MYOF: variants seen among roughly 807,000 people sequenced by gnomAD.
The protein encoded by MYOF is fer-1-like 3, myoferlin.
In MYOF, 244 loss-of-function variants were observed where a neutral mutation model predicts 284.2. The observed-to-expected ratio is 0.86, with a 90% CI of 0.77 to 0.95. MYOF has a LOEUF of 0.95. Among genes scored for constraint, MYOF ranks in the 40% least tolerant of loss-of-function variants. The probability of loss-of-function intolerance (pLI) is 0.00; values close to 1 mark genes in which losing one functional copy is unlikely to be tolerated. For missense variants in MYOF, 2,496 were observed against 2,560.6 expected, an observed-to-expected ratio of 0.97 and a Z score of 0.54; for synonymous variants, 904 against 919.7, an observed-to-expected ratio of 0.98 and a Z score of 0.31.
At chr10:93,478,678 A>T (rs4917797) in intron 1 of MYOF, among the ~76,000 whole-genome samples, 1 of 17,918 alleles carries the variant, frequency 5.6e-5, no homozygotes, top group African/African-American at 1.3e-4. Flanking sequence ...AAAAAAAATT[A>T]AAAATTAGCT....
rs778957607 is a variant in MYOF, at chr10:93,397,474, CA to C, written c.1222-19del. Reference sequence around the variant, plus strand: ...GTACAAACCTGTAAAATCACCAAAGCAAAAGTGTAGGTTTTCAAGTTTCTAA... The same window carrying C: ...GTACAAACCTGTAAAATCACCAAAGCAAAGTGTAGGTTTTCAAGTTTCTAA... On this transcript the variant is annotated intron_variant, in intron 13 of 53. Coordinates refer to ENST00000359263, the MANE Select transcript of MYOF (RefSeq NM_013451.4). The C allele has an allele frequency of 4.4e-6, 7 of 1,588,180 alleles. No individual in the cohort carries two copies. The highest frequency in any genetic ancestry group is 2.2e-5 in the East Asian group (1 of 44,614).
At chr10:93,426,048 G>A (rs1489712040) in intron 5 of MYOF, 23 bp downstream of exon 5, 3 of 1,549,030 alleles carry the variant, frequency 1.9e-6, no homozygotes, top group Non-Finnish European at 2.6e-6. Context: ...GGGGTGGCTG[G>A]GCCTTCAGAA....
chr10:93,468,090 A>G (rs1589614871), intron 1 of MYOF, among the ~76,000 whole-genome samples: 1 of 152,200 alleles, frequency 6.6e-6, no homozygotes, highest in Non-Finnish European at 1.5e-5. Context: ...TATTATTATT[A>G]TGATCCTTAT....
rs1348049031 is a variant in MYOF at position 93,404,229 on chromosome 10, C to G, written c.730-10G>C. On this transcript the variant is annotated splice_polypyrimidine_tract_variant and intron_variant, in intron 7 of 53. Coordinates refer to ENST00000359263, the MANE Select transcript of MYOF (RefSeq NM_013451.4). ...CATTGTAGAAAAACAACTGCCAAAA[C>G]AATAGAGCAGATGTTTAAATGTTAA... is the stretch of plus-strand genomic sequence containing the variant. 6.2e-7 allele frequency: 1 copy of G among 1,613,606 alleles called. No homozygotes were observed. The highest frequency in any genetic ancestry group is 1.1e-5 in the South Asian group (1 of 91,008).
intron 48 of MYOF, among the ~76,000 whole-genome samples, chr10:93,321,157 A>G (rs186515705): frequency 2.6e-5 from 4 of 152,264 alleles, no homozygotes; most frequent in African/African-American, 9.6e-5. Flanking sequence ...AGGTTCAGAG[A>G]GAATATATTA....
intron 1 of MYOF, among the ~76,000 whole-genome samples, chr10:93,464,055 C>T (rs916732322): frequency 7.9e-5 from 12 of 152,132 alleles, no homozygotes; most frequent in African/African-American, 2.9e-4. Flanking sequence ...ATGTGATAAA[C>T]ATTTACACTC....
chr10:93,335,972 G>A lies in MYOF; in HGVS notation c.4512C>T (p.Tyr1504=). Residue 1504 remains tyrosine (Y), a synonymous_variant, in exon 41 of 54, where the codon TAC becomes TAT. Coordinates refer to ENST00000359263, the MANE Select transcript of MYOF (RefSeq NM_013451.4). ...CTTCATTTTCATCCGACTTGCCTCG[G>A]TACAACTTGAACGTATCTGAGAAGT... The part of the protein sequence containing the change: ...LTDFSDTFKL[Y]RGKSDENEDP... The A allele has an allele frequency of 6.2e-7, 1 of 1,614,152 alleles. No homozygotes were observed. Among genetic ancestry groups the A allele is most frequent in the Non-Finnish European group, 8.5e-7 (1 of 1,180,034 alleles).
chr10:93,431,746 CT>C (rs35400002), intron 3 of MYOF, among the ~76,000 whole-genome samples: 169 of 131,764 alleles, frequency 1.3e-3, no homozygotes, highest in Admixed American at 1.6e-3. Context: ...TCTTTCTTTT[CT>C]TTTTTTTTTT....
chr10:93,456,798 G>A (rs1373510365), intron 2 of MYOF, 84 bp downstream of exon 2: 5 of 992,304 alleles, frequency 5.0e-6, no homozygotes, highest in Admixed American at 4.3e-5. Context: ...CCTTCCGAAG[G>A]GAAGAGGTAA....
At chr10:93,480,353 C>T (rs1201072646) in intron 1 of MYOF, among the ~76,000 whole-genome samples, 1 of 151,936 alleles carries the variant, frequency 6.6e-6, no homozygotes, top group Non-Finnish European at 1.5e-5. Context: ...GAATTATAAC[C>T]AGCCTGGGCA....
chr10:93,333,521 G>A (rs529352682), intron 42 of MYOF, among the ~76,000 whole-genome samples: 36 of 152,062 alleles, frequency 2.4e-4, no homozygotes, highest in African/African-American at 6.8e-4. Flanking sequence ...GCAGGGGGCG[G>A]GGGGGAGTCC....
intron 50 of MYOF, among the ~76,000 whole-genome samples, chr10:93,314,125 A>G (rs1842511188): frequency 6.6e-6 from 1 of 152,132 alleles, no homozygotes; most frequent in African/African-American, 2.4e-5. Context: ...GTCTCTCTCT[A>G]TAACCCAGGC....
At chr10:93,338,846 C>T (rs1843735951) in intron 39 of MYOF, among the ~76,000 whole-genome samples, 1 of 151,842 alleles carries the variant, frequency 6.6e-6, no homozygotes, top group African/African-American at 2.4e-5. Flanking sequence ...GAAGGCCTCC[C>T]ACTCAGATTT....
intron 41 of MYOF, 21 bp from the exon 42 acceptor site, chr10:93,333,934 G>T: frequency 6.2e-7 from 1 of 1,610,424 alleles, no homozygotes; most frequent in Non-Finnish European, 8.5e-7. Flanking sequence ...GAGACAGAAG[G>T]ACTCACAGGG....
In MYOF at chr10:93,380,031, A is replaced by G. The variant is rs1196114178; in HGVS notation, c.1877-44T>C. 1.9e-6 allele frequency: 3 copies of G among 1,591,582 alleles called. No homozygotes were observed. In the South Asian group the frequency reaches 3.3e-5, roughly 18 times the overall value. ...GGTCAATGAACACTGAACACTTAAAATAGACAGCATGTTTATTAAAGAGAT... is the reference window on the plus strand; with the variant it reads ...GGTCAATGAACACTGAACACTTAAAGTAGACAGCATGTTTATTAAAGAGAT... On this transcript the variant is annotated intron_variant, in intron 20 of 53. Coordinates refer to ENST00000359263, the MANE Select transcript of MYOF (RefSeq NM_013451.4).
At chr10:93,402,475 T>G (rs2134092399) in intron 10 of MYOF, 128 bp from the exon 11 acceptor site, 1 of 723,822 alleles carries the variant, frequency 1.4e-6, no homozygotes. Flanking sequence ...ATTCCCCAGA[T>G]GAGTGTCCAC....
intron 1 of MYOF, among the ~76,000 whole-genome samples, chr10:93,476,560 GA>G (rs1043018400): frequency 2.6e-4 from 39 of 148,242 alleles, no homozygotes; most frequent in East Asian, 5.9e-4. Context: ...GTCCCCCACT[GA>G]AAAAAAAAAT....
chr10:93,409,372 C>G (rs1480521671), intron 6 of MYOF, among the ~76,000 whole-genome samples: 1 of 151,534 alleles, frequency 6.6e-6, no homozygotes, highest in Non-Finnish European at 1.5e-5. Flanking sequence ...CTCTGGAGAC[C>G]ATCAGCTGGC....
intron 50 of MYOF, among the ~76,000 whole-genome samples, chr10:93,315,689 C>T (rs1047716110): frequency 6.6e-6 from 1 of 152,094 alleles, no homozygotes. Flanking sequence ...GGCTACACGT[C>T]CTGGTTTAGG....
Sources: gnomAD v4.1 joint callset for allele counts (sites outside exome capture counted in the v4.1 genomes callset) on GRCh38, gnomAD v4.1.1 for gene constraint, MANE v1.5 for transcripts, NCBI Gene and HGNC (gene_info 2026-07-23, HGNC 2026-07-21) for gene names.